Variants in SEC24B observed in about 807,000 individuals in gnomAD.
SEC24B encodes the protein SEC24 homolog B, COPII component, also known as protein transport protein Sec24B.
A neutral mutation model predicts 142.8 loss-of-function variants in SEC24B; 45 were observed. The ratio of observed to expected loss-of-function variants is 0.32; its 90% confidence interval spans 0.25 to 0.40. The LOEUF is 0.40. Among genes scored for constraint, SEC24B ranks in the 10% least tolerant of loss-of-function variants. The pLI, the probability that SEC24B is intolerant of heterozygous loss-of-function variation, is 1.00. For synonymous variants in SEC24B, 574 were observed against 568.2 expected, an observed-to-expected ratio of 1.01 and a Z score of -0.15; for missense variants, 1,409 against 1,526.8, an observed-to-expected ratio of 0.92 and a Z score of 1.29.
At chr4:109,488,278 G>A (rs760818769) in intron 4 of SEC24B, among the ~76,000 whole-genome samples, 3 of 151,762 alleles carry the variant, frequency 2.0e-5, no homozygotes, top group South Asian at 2.1e-4. Context: ...TACCCTCCCC[G>A]CACAACCACA....
intron 3 of SEC24B, among the ~76,000 whole-genome samples, chr4:109,478,623 A>C (rs973198235): frequency 2.0e-5 from 3 of 152,212 alleles, no homozygotes; most frequent in Non-Finnish European, 4.4e-5. Flanking sequence ...TAGAACCTGG[A>C]GTTGAACCCA....
chr4:109,496,273 C>A (rs138158792), intron 6 of SEC24B, among the ~76,000 whole-genome samples: 1 of 151,902 alleles, frequency 6.6e-6, no homozygotes, highest in African/African-American at 2.4e-5. Flanking sequence ...CCACCATGCC[C>A]GGCTAATTTT....
At chr4:109,493,937 G>C (rs1434910063) in intron 5 of SEC24B, among the ~76,000 whole-genome samples, 1 of 152,108 alleles carries the variant, frequency 6.6e-6, no homozygotes, top group East Asian at 1.9e-4. Flanking sequence ...TTTTGCTACT[G>C]CAAATAATGC....
At chr4:109,440,602 A>G (rs1578746683) in intron 1 of SEC24B, among the ~76,000 whole-genome samples, 1 of 152,330 alleles carries the variant, frequency 6.6e-6, no homozygotes, top group Non-Finnish European at 1.5e-5. Context: ...GAGTATAATA[A>G]TACCTTTCTT....
At chr4:109,445,054 G>A (rs1373159543) in intron 1 of SEC24B, among the ~76,000 whole-genome samples, 1 of 151,946 alleles carries the variant, frequency 6.6e-6, no homozygotes, top group African/African-American at 2.4e-5. Context: ...CTCTTGAGTA[G>A]CTGGGACTAC....
Position 109,500,188 on chromosome 4 carries a change from T to G in SEC24B, c.1488+5332T>G, listed in dbSNP as rs149680796. Among the ~76,000 whole-genome samples, 499 of 152,336 alleles carry G rather than the reference T, an allele frequency of 3.3e-3. 2 individuals are homozygous for G. The highest frequency in any genetic ancestry group is 0.012 in the African/African-American group (483 of 41,574). The stretch of plus-strand genomic sequence containing the variant: ...GCTGTACAATGGGTGTTTTACACTG[T>G]TTTTGCAAAAGTCAAAAAGTTATTT... On this transcript the variant is annotated intron_variant, in intron 6 of 23. Coordinates refer to ENST00000265175, the MANE Select transcript of SEC24B (RefSeq NM_006323.5).
intron 1 of SEC24B, among the ~76,000 whole-genome samples, chr4:109,460,759 TATATTAATATATTA>T (rs1186141894): frequency 2.0e-5 from 3 of 150,558 alleles, no homozygotes; most frequent in Admixed American, 1.3e-4. Flanking sequence ...TATAATGTAA[TATATTAATATATTA>T]ATATTAATAA....
chr4:109,529,176 A>G (rs556554692), intron 18 of SEC24B, among the ~76,000 whole-genome samples: 70 of 152,202 alleles, frequency 4.6e-4, no homozygotes, highest in African/African-American at 9.6e-4. Flanking sequence ...GGTGGGGGGA[A>G]AAAGAAGAAG....
chr4:109,458,030 T>C (rs539069866), intron 1 of SEC24B, among the ~76,000 whole-genome samples: 1 of 152,248 alleles, frequency 6.6e-6, no homozygotes, highest in South Asian at 2.1e-4. Context: ...TACTGATTAT[T>C]ACAAGTGTTA....
chr4:109,534,729 G>C (rs570961377), intron 22 of SEC24B, among the ~76,000 whole-genome samples: 7 of 152,080 alleles, frequency 4.6e-5, no homozygotes, highest in Middle Eastern at 3.4e-3. Flanking sequence ...AAACTCTTAC[G>C]ATTATCTGTA....
At chr4:109,462,843 G>A in intron 1 of SEC24B, 58 bp from the exon 2 acceptor site, 1 of 1,282,866 alleles carries the variant, frequency 7.8e-7, no homozygotes, top group Non-Finnish European at 1.1e-6. Context: ...TTAAATGGGG[G>A]CTATTTTTAA....
At chr4:109,538,432 G>A in intron 22 of SEC24B, 61 bp from the exon 23 acceptor site, 2 of 1,128,762 alleles carry the variant, frequency 1.8e-6, no homozygotes, top group South Asian at 1.3e-5. Context: ...TCATGATTTT[G>A]TTCTATTACT....
chr4:109,448,465 A>G (rs532073702), intron 1 of SEC24B, among the ~76,000 whole-genome samples: 64 of 152,312 alleles, frequency 4.2e-4, no homozygotes, highest in African/African-American at 1.5e-3. Context: ...CAGAAAGTGC[A>G]GTACCCTTCA....
intron 17 of SEC24B, 109 bp downstream of exon 17, chr4:109,526,508 G>C (rs747968834): frequency 1.1e-4 from 81 of 716,654 alleles, no homozygotes; most frequent in Non-Finnish European, 1.7e-4. Context: ...GGAAGTAATG[G>C]AATTTGTATT....
intron 10 of SEC24B, among the ~76,000 whole-genome samples, chr4:109,514,329 T>A (rs765746993): frequency 6.6e-6 from 1 of 152,214 alleles, no homozygotes; most frequent in Non-Finnish European, 1.5e-5. Context: ...ATTCTTCTTT[T>A]CACTTCAAAA....
intron 1 of SEC24B, among the ~76,000 whole-genome samples, chr4:109,438,692 G>T (rs1176099771): frequency 6.6e-6 from 1 of 152,190 alleles, no homozygotes; most frequent in Admixed American, 6.5e-5. Context: ...TAGTCTTCAT[G>T]ATCACTTTTA....
chr4:109,521,732 GTT>G lies in SEC24B; in HGVS notation c.2508+111_2508+112del, dbSNP rs1723637393. On this transcript the variant is annotated intron_variant, in intron 14 of 23. Coordinates refer to ENST00000265175, the MANE Select transcript of SEC24B (RefSeq NM_006323.5). The stretch of plus-strand genomic sequence containing the variant: ...GCAAGAGAGTTGGGTTTTTTTGTTT[GTT>G]TTTTGTTTCTTTTTTGAGACGTGGT... The G allele has an allele frequency of 5.3e-6, 5 of 936,884 alleles. No homozygotes were observed. The South Asian group carries it at 8.8e-5, about 16-fold the overall frequency. The allele number at this position is 936,884 out of a possible 1,614,324, so 58.0% of individuals were successfully genotyped here.
At chr4:109,448,507 T>C (rs897789236) in intron 1 of SEC24B, among the ~76,000 whole-genome samples, 12 of 145,012 alleles carry the variant, frequency 8.3e-5, no homozygotes, top group African/African-American at 3.1e-4. Context: ...CTTATGAAAC[T>C]TTTTTTTTTT....
intron 1 of SEC24B, among the ~76,000 whole-genome samples, chr4:109,449,839 G>A (rs1169068167): frequency 6.6e-6 from 1 of 152,090 alleles, no homozygotes; most frequent in Admixed American, 6.5e-5. Flanking sequence ...GGATGTCTAC[G>A]AGGTTCTTCC....
Sources: allele counts gnomAD v4.1 joint callset (sites outside exome capture counted in the v4.1 genomes callset), GRCh38; gene constraint gnomAD v4.1.1; transcripts MANE v1.5; gene names NCBI Gene and HGNC (gene_info 2026-07-23, HGNC 2026-07-21).